SPAG16: variants seen among roughly 807,000 people sequenced by gnomAD.
SPAG16 encodes sperm-associated antigen 16 protein.
A neutral mutation model predicts 80.4 loss-of-function variants in SPAG16; 86 were observed. The ratio of observed to expected loss-of-function variants is 1.07; its 90% confidence interval spans 0.90 to 1.28. The LOEUF is 1.28. SPAG16 is among the 50% of genes most tolerant of loss of function. The probability of loss-of-function intolerance (pLI) is 0.00; values close to 1 mark genes in which losing one functional copy is unlikely to be tolerated. For missense variants in SPAG16, 870 were observed against 765.3 expected (o/e 1.14, Z -1.61); for synonymous variants, 294 against 265.9 (o/e 1.11, Z -1.03).
At chr2:213,572,592 G>A (rs1209216606) in intron 10 of SPAG16, among the ~76,000 whole-genome samples, 3 of 152,140 alleles carry the variant, frequency 2.0e-5, no homozygotes, top group African/African-American at 4.8e-5. Flanking sequence ...GCAGTCGGCG[G>A]GTTCTCAGAT....
intron 10 of SPAG16, among the ~76,000 whole-genome samples, chr2:213,647,700 T>C (rs2062869251): frequency 6.6e-6 from 1 of 152,212 alleles, no homozygotes; most frequent in Non-Finnish European, 1.5e-5. Context: ...TAATGTGACA[T>C]AGAGTCTCTT....
intron 15 of SPAG16, among the ~76,000 whole-genome samples, chr2:214,355,281 G>T (rs1234474551): frequency 7.6e-6 from 1 of 131,128 alleles, no homozygotes; most frequent in Admixed American, 8.3e-5. Flanking sequence ...ATCTGACAAA[G>T]GGCTAATATC....
At chr2:213,666,236 T>C (rs1486490109) in intron 10 of SPAG16, among the ~76,000 whole-genome samples, 3 of 152,180 alleles carry the variant, frequency 2.0e-5, no homozygotes, top group Non-Finnish European at 4.4e-5. Context: ...GACTGCTTTA[T>C]TTCAGGGAGC....
intron 10 of SPAG16, among the ~76,000 whole-genome samples, chr2:213,553,940 T>A (rs984065325): frequency 2.6e-5 from 4 of 152,158 alleles, no homozygotes; most frequent in Non-Finnish European, 1.5e-5. Context: ...GACTTGGCAG[T>A]GGGGGAGTCA....
In SPAG16 at chr2:213,561,019, A is replaced by C. The variant is rs186523049; in HGVS notation, c.1070+70929A>C. Among the ~76,000 whole-genome samples the C allele has an allele frequency of 1.2e-3, 183 of 152,262 alleles. 2 individuals are homozygous for C. In the East Asian group the frequency reaches 0.034, roughly 28 times the overall value. On this transcript the variant is annotated intron_variant, in intron 10 of 15. Transcript: ENST00000331683. Reference sequence around the variant, plus strand: ...ACTGGGATTACAGGCCTCTGCCTCTACATATAGTTAATTTTTGTATTTTTG... The same window carrying C: ...ACTGGGATTACAGGCCTCTGCCTCTCCATATAGTTAATTTTTGTATTTTTG...
intron 10 of SPAG16, among the ~76,000 whole-genome samples, chr2:213,604,959 A>G (rs924897644): frequency 3.3e-5 from 5 of 149,392 alleles, no homozygotes; most frequent in Admixed American, 1.3e-4. Context: ...TATTAAATAC[A>G]AAACTTTATG....
Position 213,597,385 on chromosome 2 carries a change from C to T in SPAG16, c.1070+107295C>T, listed in dbSNP as rs533075244. On this transcript the variant is annotated intron_variant, in intron 10 of 15. Transcript: ENST00000331683. Reference sequence around the variant, plus strand: ...ATATATTTTTATGACTTCTTTCCATCCTTAATTTACCTTAAGTCCTCGTTC... The same window carrying T: ...ATATATTTTTATGACTTCTTTCCATTCTTAATTTACCTTAAGTCCTCGTTC... Among the ~76,000 whole-genome samples, 250 of 152,196 alleles carry T rather than the reference C, an allele frequency of 1.6e-3. 1 individual carries two copies. Among genetic ancestry groups the T allele is most frequent in the Middle Eastern group, 3.4e-3 (1 of 292 alleles).
chr2:213,776,828 C>T (rs1419704212), intron 10 of SPAG16, among the ~76,000 whole-genome samples: 1 of 48,704 alleles, frequency 2.1e-5, no homozygotes, highest in Non-Finnish European at 4.1e-5. Context: ...TCTATGCCAC[C>T]CCCCCCCCAC....
chr2:213,891,240 A>G (rs2076776134), intron 11 of SPAG16, among the ~76,000 whole-genome samples: 1 of 152,110 alleles, frequency 6.6e-6, no homozygotes, highest in South Asian at 2.1e-4. Context: ...GACACTTTGA[A>G]TAGAGATTTA....
chr2:213,598,890 C>G (rs1468645595), intron 10 of SPAG16, among the ~76,000 whole-genome samples: 1 of 152,088 alleles, frequency 6.6e-6, no homozygotes, highest in Non-Finnish European at 1.5e-5. Context: ...GGAAAACAAA[C>G]TCTGTGGACA....
chr2:213,300,411 A>G (rs1244076602), intron 3 of SPAG16, among the ~76,000 whole-genome samples: 1 of 152,222 alleles, frequency 6.6e-6, no homozygotes, highest in African/African-American at 2.4e-5. Context: ...ATAGTTCTCA[A>G]AGTATTGTGG....
intron 9 of SPAG16, among the ~76,000 whole-genome samples, chr2:213,394,022 C>CT (rs2067909099): frequency 6.6e-6 from 1 of 152,064 alleles, no homozygotes; most frequent in African/African-American, 2.4e-5. Context: ...CACATGGTGA[C>CT]TTATATTTTC....
chr2:213,745,726 T>C (rs943611007), intron 10 of SPAG16, among the ~76,000 whole-genome samples: 2 of 152,178 alleles, frequency 1.3e-5, no homozygotes, highest in African/African-American at 2.4e-5. Flanking sequence ...TTTATTCAAA[T>C]GCCATAATTA....
chr2:213,983,844 A>C (rs1055426303), intron 12 of SPAG16, among the ~76,000 whole-genome samples: 8 of 152,062 alleles, frequency 5.3e-5, no homozygotes, highest in Admixed American at 2.0e-4. Context: ...GAAAATGATA[A>C]AAACAATACC....
Position 213,539,847 on chromosome 2 carries a change from G to A in SPAG16, c.1070+49757G>A, listed in dbSNP as rs545578072. 4.7e-4 allele frequency among the ~76,000 whole-genome samples: 71 copies of A among 152,118 alleles called. No individual in the cohort carries two copies. In the South Asian group the frequency reaches 6.0e-3, roughly 13 times the overall value. On this transcript the variant is annotated intron_variant, in intron 10 of 15. Transcript: ENST00000331683. Reference sequence around the variant, plus strand: ...TGTAATTTTAAACAACTTACCAAAGGACAGAAATCTAAATACTAAGTTTGG... The same window carrying A: ...TGTAATTTTAAACAACTTACCAAAGAACAGAAATCTAAATACTAAGTTTGG...
At chr2:214,394,308 C>CT (rs201467617) in intron 15 of SPAG16, among the ~76,000 whole-genome samples, 6,282 of 150,792 alleles carry the variant, frequency 0.042, 163 homozygotes, top group Non-Finnish European at 0.058. Flanking sequence ...TAGCTTGTTA[C>CT]TTTTTTTTTG....
At chr2:213,360,293 A>G (rs542205166) in intron 7 of SPAG16, among the ~76,000 whole-genome samples, 80 of 152,378 alleles carry the variant, frequency 5.3e-4, no homozygotes, top group Non-Finnish European at 9.7e-4. Context: ...TCAGAATCCA[A>G]AATGGGTACA....
chr2:214,313,702 A>G (rs1309521898), intron 15 of SPAG16, among the ~76,000 whole-genome samples: 1 of 152,034 alleles, frequency 6.6e-6, no homozygotes, highest in Admixed American at 6.5e-5. Context: ...TTCTATCCAT[A>G]TTCTTCTCCA....
At chr2:213,316,379 G>C (rs2063400404) in intron 4 of SPAG16, among the ~76,000 whole-genome samples, 1 of 152,008 alleles carries the variant, frequency 6.6e-6, no homozygotes, top group Non-Finnish European at 1.5e-5. Context: ...CTTCTTTCAA[G>C]CCACCATGCT....
Sources: gnomAD v4.1 joint callset for allele counts (sites outside exome capture counted in the v4.1 genomes callset) on GRCh38, gnomAD v4.1.1 for gene constraint, MANE v1.5 for transcripts, NCBI Gene and HGNC (gene_info 2026-07-23, HGNC 2026-07-21) for gene names.